Variants in SPMIP7 observed in about 807,000 individuals in gnomAD.
SPMIP7 encodes sperm microtubule inner protein 7.
the SPMIP7 span, among the ~76,000 whole-genome samples, chr7:50,110,270 T>A: frequency 1.3e-5 from 2 of 151,346 alleles, no homozygotes; most frequent in Admixed American, 6.6e-5. Context: ...AAATCAATGA[T>A]AATATCTTAA....
the SPMIP7 span, among the ~76,000 whole-genome samples, chr7:50,107,362 CAAAA>C: frequency 2.4e-4 from 4 of 16,658 alleles, no homozygotes; most frequent in Non-Finnish European, 3.0e-4. Flanking sequence ...GACTCTGTCT[CAAAA>C]AAAAAAAAAA....
the SPMIP7 span, chr7:50,141,218 CA>C: frequency 4.2e-5 from 47 of 1,126,414 alleles, no homozygotes; most frequent in African/African-American, 7.3e-4. Context: ...GAATACTGTT[CA>C]ATGGTTTCTT....
chr7:50,151,399 A>AATC, the SPMIP7 span: 1 of 1,353,264 alleles, frequency 7.4e-7, no homozygotes, highest in Non-Finnish European at 1.0e-6. Context: ...CAATTTCACA[A>AATC]ATCATCATTT....
At chr7:50,145,587 C>CGTGT in the SPMIP7 span, among the ~76,000 whole-genome samples, 1 of 28,416 alleles carries the variant, frequency 3.5e-5, no homozygotes, top group Admixed American at 3.3e-4. Flanking sequence ...TATATATGTG[C>CGTGT]GTGTGTGTGT....
chr7:50,116,904 C>T, the SPMIP7 span, among the ~76,000 whole-genome samples: 4 of 152,310 alleles, frequency 2.6e-5, no homozygotes, highest in South Asian at 2.1e-4. Context: ...AATGTTCACT[C>T]GCTAGGATGT....
chr7:50,117,952 C>A, the SPMIP7 span, among the ~76,000 whole-genome samples: 1 of 152,176 alleles, frequency 6.6e-6, no homozygotes, highest in South Asian at 2.1e-4. Flanking sequence ...CTTATCATCA[C>A]GAACTGCCAT....
At chr7:50,101,450 C>T in the SPMIP7 span, among the ~76,000 whole-genome samples, 1 of 152,178 alleles carries the variant, frequency 6.6e-6, no homozygotes, top group African/African-American at 2.4e-5. Flanking sequence ...GAAAGAACCA[C>T]CCCCAACTAT....
the SPMIP7 span, among the ~76,000 whole-genome samples, chr7:50,116,706 A>G: frequency 1.4e-4 from 21 of 152,332 alleles, no homozygotes; most frequent in African/African-American, 5.0e-4. Flanking sequence ...CTAAATCAAT[A>G]TTCTAACTAT....
the SPMIP7 span, among the ~76,000 whole-genome samples, chr7:50,108,744 T>C: frequency 6.6e-6 from 1 of 152,176 alleles, no homozygotes. Context: ...ACATACTACT[T>C]AAGAAATAAA....
At chr7:50,159,000 G>A in the SPMIP7 span, 161 of 1,542,554 alleles carry the variant, frequency 1.0e-4, no homozygotes, top group African/African-American at 1.7e-3. Flanking sequence ...ATTTGTACAT[G>A]TCTTTTATGT....
At chr7:50,152,664 T>TTTTATTTATTTATTTA in the SPMIP7 span, among the ~76,000 whole-genome samples, 252 of 141,430 alleles carry the variant, frequency 1.8e-3, 3 homozygotes, top group Middle Eastern at 3.6e-3. Context: ...TTATCACACA[T>TTTTATTTATTTATTTA]TTTATTTATT....
the SPMIP7 span, among the ~76,000 whole-genome samples, chr7:50,146,712 C>T: frequency 6.6e-6 from 1 of 152,196 alleles, no homozygotes; most frequent in Non-Finnish European, 1.5e-5. Flanking sequence ...CTCTGCAGTC[C>T]TTCCCTTCTC....
At chr7:50,100,828 T>TAAATA in the SPMIP7 span, among the ~76,000 whole-genome samples, 105 of 150,984 alleles carry the variant, frequency 7.0e-4, no homozygotes, top group East Asian at 0.017. Context: ...AATAAATAAA[T>TAAATA]AAATAAATAA....
chr7:50,151,373 G>T, the SPMIP7 span: 1 of 1,110,512 alleles, frequency 9.0e-7, no homozygotes, highest in Non-Finnish European at 1.3e-6. Context: ...TCATATTTGG[G>T]TGCTAGTTAC....
the SPMIP7 span, among the ~76,000 whole-genome samples, chr7:50,128,133 A>G: frequency 6.6e-6 from 1 of 152,066 alleles, no homozygotes; most frequent in Non-Finnish European, 1.5e-5. Flanking sequence ...TTATTAAGCC[A>G]TAAAAGAGAA....
the SPMIP7 span, among the ~76,000 whole-genome samples, chr7:50,125,093 A>AATATATATATATAT: frequency 1.6e-5 from 1 of 61,554 alleles, no homozygotes; most frequent in Non-Finnish European, 4.1e-5. Context: ...AGTGAGATTA[A>AATATATATATATAT]GTATATATAT....
chr7:50,145,593 T>G, the SPMIP7 span, among the ~76,000 whole-genome samples: 1 of 81,296 alleles, frequency 1.2e-5, no homozygotes, highest in Non-Finnish European at 2.8e-5. Flanking sequence ...TGTGCGTGTG[T>G]GTGTGTGTGT....
At chr7:50,132,176 C>T in the SPMIP7 span, among the ~76,000 whole-genome samples, 2 of 152,076 alleles carry the variant, frequency 1.3e-5, no homozygotes, top group Admixed American at 6.6e-5. Flanking sequence ...GAATCCAACT[C>T]TAAGGCTTAA....
the SPMIP7 span, among the ~76,000 whole-genome samples, chr7:50,115,891 A>T: frequency 6.6e-6 from 1 of 152,236 alleles, no homozygotes; most frequent in African/African-American, 2.4e-5. Flanking sequence ...GAAATGTTGA[A>T]AGCATCCCCT....
Sources: gnomAD v4.1 joint callset for allele counts (sites outside exome capture counted in the v4.1 genomes callset) on GRCh38, gnomAD v4.1.1 for gene constraint, MANE v1.5 for transcripts, NCBI Gene and HGNC (gene_info 2026-07-23, HGNC 2026-07-21) for gene names.